The following VPS13B variants were observed in gnomAD, a reference collection of about 807,000 sequenced individuals.
VPS13B encodes vacuolar protein sorting 13 homolog B.
VPS13B carries 285 observed loss-of-function variants against 426.4 expected under a neutral mutation model. The ratio of observed to expected loss-of-function variants is 0.67; its 90% CI spans 0.61 to 0.74. The LOEUF (loss-of-function observed/expected upper bound fraction) is 0.74, where lower values mean the gene tolerates loss of function less well. VPS13B is among the 30% of genes least tolerant of loss of function. The pLI is 0.00. For missense variants in VPS13B, 4,537 were observed against 4,782.6 expected, an observed-to-expected ratio of 0.95 and a Z score of 1.51; for synonymous variants, 1,676 against 1,676.4, an observed-to-expected ratio of 1.00 and a Z score of 0.01.
At chr8:99,627,836 C>T (rs1000955876) in intron 33 of VPS13B, among the ~76,000 whole-genome samples, 10 of 152,198 alleles carry the variant, frequency 6.6e-5, no homozygotes, top group African/African-American at 2.4e-4. Flanking sequence ...CCTCAAATTA[C>T]ATGCACACAT....
At chr8:99,224,992 C>T (rs1161941527) in intron 17 of VPS13B, among the ~76,000 whole-genome samples, 3 of 152,058 alleles carry the variant, frequency 2.0e-5, no homozygotes, top group Admixed American at 1.3e-4. Flanking sequence ...ATGCTGAGTC[C>T]GGTGTATATT....
At chr8:99,521,108 A>T (rs1211561098) in intron 30 of VPS13B, 98 bp downstream of exon 30, 3 of 1,001,220 alleles carry the variant, frequency 3.0e-6, no homozygotes, top group Non-Finnish European at 4.6e-6. Context: ...AATATTTCTC[A>T]TTCAGGATCT....
At chr8:99,674,022 A>C (rs907309505) in intron 35 of VPS13B, among the ~76,000 whole-genome samples, 16 of 152,000 alleles carry the variant, frequency 1.1e-4, no homozygotes, top group Admixed American at 7.9e-4. Context: ...TCTGTCTTGG[A>C]GGATGTTCCA....
chr8:99,814,200 A>G (rs1813888162), intron 44 of VPS13B, among the ~76,000 whole-genome samples: 1 of 152,216 alleles, frequency 6.6e-6, no homozygotes, highest in Admixed American at 6.5e-5. Flanking sequence ...ATTGGTGTAA[A>G]TAATAGTTCA....
chr8:99,607,419 A>G (rs1827644346), intron 33 of VPS13B, among the ~76,000 whole-genome samples: 1 of 152,188 alleles, frequency 6.6e-6, no homozygotes, highest in Non-Finnish European at 1.5e-5. Context: ...CACACGTAAG[A>G]AATGTGGTAG....
chr8:99,573,647 C>T (rs1401070455), intron 31 of VPS13B, among the ~76,000 whole-genome samples: 1 of 152,068 alleles, frequency 6.6e-6, no homozygotes, highest in East Asian at 1.9e-4. Context: ...CTGTTCTGTT[C>T]CATTGGTCTA....
intron 15 of VPS13B, among the ~76,000 whole-genome samples, chr8:99,163,031 C>T (rs906809568): frequency 1.3e-5 from 2 of 152,180 alleles, no homozygotes; most frequent in African/African-American, 2.4e-5. Context: ...AAGGCCCCAC[C>T]AGAGCGGCTA....
At chr8:99,315,337 CTTT>C (rs57818188) in intron 19 of VPS13B, among the ~76,000 whole-genome samples, 7 of 146,892 alleles carry the variant, frequency 4.8e-5, no homozygotes, top group African/African-American at 7.5e-5. Flanking sequence ...TTCTCTCTCT[CTTT>C]TTTTTTTTTT....
intron 43 of VPS13B, among the ~76,000 whole-genome samples, chr8:99,808,288 AG>A (rs1813508174): frequency 6.6e-6 from 1 of 152,160 alleles, no homozygotes; most frequent in South Asian, 2.1e-4. Context: ...TGGGAGGCCG[AG>A]GCAAGCGATC....
chr8:99,706,660 A>G (rs1020248963), intron 36 of VPS13B, among the ~76,000 whole-genome samples: 18 of 152,112 alleles, frequency 1.2e-4, no homozygotes, highest in African/African-American at 4.3e-4. Flanking sequence ...TGCTGGCCTC[A>G]GGGTATTTGT....
At position 99,680,416 on chromosome 8, in the gene VPS13B, T is replaced by G. The variant is rs1831111598; in HGVS notation, c.6046+18925T>G. 2.0e-5 allele frequency among the ~76,000 whole-genome samples: 3 copies of G among 152,224 alleles called. No individual in the cohort carries two copies. The South Asian group carries it at 6.2e-4, about 31-fold the overall frequency. On this transcript the variant is annotated intron_variant, in intron 35 of 61. Coordinates refer to ENST00000357162, the MANE Select transcript of VPS13B (RefSeq NM_152564.5). ...TACAATGTGATACTTTTCCTTTCAC[T>G]ATTAAGTCATCCTCTAAGATGATAG... is the stretch of plus-strand genomic sequence containing the variant.
chr8:99,313,146 CTGAA>C (rs1311995924), intron 19 of VPS13B, among the ~76,000 whole-genome samples: 1 of 152,118 alleles, frequency 6.6e-6, no homozygotes, highest in African/African-American at 2.4e-5. Flanking sequence ...GTTTGATCGT[CTGAA>C]GCCTTCTTCT....
At chr8:99,226,483 A>T (rs1310041366) in intron 17 of VPS13B, among the ~76,000 whole-genome samples, 4 of 152,126 alleles carry the variant, frequency 2.6e-5, no homozygotes, top group Non-Finnish European at 5.9e-5. Context: ...ATTCATTAAC[A>T]CTTGAAATTT....
Position 99,143,163 on chromosome 8 carries a change from C to A in VPS13B, c.1841C>A (p.Ser614Ter). The A allele has an allele frequency of 6.2e-7, 1 of 1,613,818 alleles. No homozygotes were observed. The highest frequency in any genetic ancestry group is 1.1e-5 in the South Asian group (1 of 91,020). ...HEYEPYSRLK[S>*]DIKDENETIL... is the part of the protein sequence containing the mutation. ...TATGAACCATATAGCAGGCTAAAATCAGGTTTGTTTCTGGATTAATTTTGA... is the reference window on the plus strand; with the variant it reads ...TATGAACCATATAGCAGGCTAAAATAAGGTTTGTTTCTGGATTAATTTTGA... The change falls in exon 13 of 62, where the codon TCA (serine) becomes TAA (stop). Residue 614 changes from serine to a stop codon, truncating the protein, a stop_gained and splice_region_variant. Transcript: ENST00000357162. LOFTEE classifies it high-confidence loss of function.
At chr8:99,849,042 A>C (rs1816125526) in intron 55 of VPS13B, 148 bp downstream of exon 55, 1 of 782,800 alleles carries the variant, frequency 1.3e-6, no homozygotes, top group South Asian at 1.5e-5. Flanking sequence ...GGTTATTAGC[A>C]CTAAATCATC....
At position 99,739,208 on chromosome 8, in the gene VPS13B, G is replaced by A. The variant is rs148290222; in HGVS notation, c.7050+18161G>A. On this transcript the variant is annotated intron_variant, in intron 39 of 61. Transcript: ENST00000357162. ...ACCTGGCTCGGAGGGTCCCATACCC[G>A]TGGAGCCTCGCTCATTGCTAGCACA... 2.9e-3 allele frequency among the ~76,000 whole-genome samples: 442 copies of A among 152,318 alleles called. 2 individuals are homozygous for A. The highest frequency in any genetic ancestry group is 7.3e-3 in the East Asian group (38 of 5,182).
intron 33 of VPS13B, among the ~76,000 whole-genome samples, chr8:99,584,310 A>G (rs922114324): frequency 4.6e-5 from 7 of 152,196 alleles, no homozygotes; most frequent in Non-Finnish European, 1.0e-4. Context: ...AGACAGGAAA[A>G]CACCACAGTT....
chr8:99,104,306 T>C (rs963935954), intron 5 of VPS13B, among the ~76,000 whole-genome samples: 12 of 152,256 alleles, frequency 7.9e-5, no homozygotes, highest in African/African-American at 2.7e-4. Flanking sequence ...ATCATAGATA[T>C]ATAGTCTGTT....
At chr8:99,459,832 A>G (rs1245788462) in intron 23 of VPS13B, among the ~76,000 whole-genome samples, 1 of 152,148 alleles carries the variant, frequency 6.6e-6, no homozygotes, top group Admixed American at 6.6e-5. Flanking sequence ...TTTACTAAAA[A>G]GTTGACCCTG....
Sources: allele counts gnomAD v4.1 joint callset (sites outside exome capture counted in the v4.1 genomes callset), GRCh38; gene constraint gnomAD v4.1.1; transcripts MANE v1.5; gene names NCBI Gene and HGNC (gene_info 2026-07-23, HGNC 2026-07-21).